The following DNMT1 variants were observed in gnomAD, a reference collection of about 807,000 sequenced individuals.
The protein encoded by DNMT1 is DNA (cytosine-5)-methyltransferase 1.
Under a neutral mutation model 205.3 loss-of-function variants are expected in DNMT1, and 24 were observed. That is an observed-to-expected ratio of 0.12 (90% CI 0.08 to 0.16). DNMT1 has a LOEUF of 0.16. Ranked by LOEUF, DNMT1 falls within the 10% of genes least tolerant of loss-of-function variation. The pLI, the probability that DNMT1 is intolerant of heterozygous loss-of-function variation, is 1.00. For missense variants in DNMT1, 1,293 were observed against 2,177.7 expected, an observed-to-expected ratio of 0.59 and a Z score of 8.09; for synonymous variants, 817 against 839.8, an observed-to-expected ratio of 0.97 and a Z score of 0.47.
rs2089416905 is a variant in DNMT1, at chr19:10,133,479, A to G, written c.*188T>C. On this transcript the variant is annotated 3_prime_UTR_variant, in exon 41 of 41. Transcript: ENST00000359526. This position sits in a 1 kb window ranked among gnomAD's most constrained non-coding sequence, Gnocchi z 4.1. ...AACTTTTAAAATCCAGAATGCACAA[A>G]GTACTGCACAATTTGATCACTAAAT... is the stretch of plus-strand genomic sequence containing the variant. 1 of 649,032 alleles carries G rather than the reference A, an allele frequency of 1.5e-6. No homozygotes were observed. Among genetic ancestry groups the G allele is most frequent in the African/African-American group, 1.8e-5 (1 of 54,776 alleles). The allele number at this position is 649,032 out of a possible 1,614,324, so 40.2% of individuals were successfully genotyped here.
rs764029022 is a variant in DNMT1, at chr19:10,137,928, T to G, written c.4197A>C (p.Ala1399=). The part of the protein sequence containing the change: ...DLPEVRNGAS[A]LEISYNGEPQ... ...GCTCCCCGTTGTAGGAGATCTCCAG[T>G]GCCGAGGCTCCATTCCGCACCTCCG... Residue 1399 remains alanine (A), a synonymous_variant, in exon 36 of 41, where the codon GCA becomes GCC. Coordinates refer to ENST00000359526, the MANE Select transcript of DNMT1 (RefSeq NM_001130823.3). The surrounding 1 kb of genome is among the most constrained non-coding windows in gnomAD (Gnocchi z 6.4). 7 of 1,612,644 alleles carry G rather than the reference T, an allele frequency of 4.3e-6. No individual in the cohort carries two copies. Among genetic ancestry groups the G allele is most frequent in the African/African-American group, 1.3e-5 (1 of 74,878 alleles).
At chr19:10,171,069 A>G (rs1459097184) in intron 9 of DNMT1, among the ~76,000 whole-genome samples, 1 of 152,086 alleles carries the variant, frequency 6.6e-6, no homozygotes, top group Non-Finnish European at 1.5e-5. Flanking sequence ...CGGCCTCCCA[A>G]AATGCTAGAA....
intron 1 of DNMT1, among the ~76,000 whole-genome samples, chr19:10,183,737 C>T (rs1216926515): frequency 1.3e-5 from 2 of 151,944 alleles, no homozygotes; most frequent in African/African-American, 4.8e-5. Flanking sequence ...ATTAGCCAGG[C>T]GTGGTGGTGG....
In DNMT1 at chr19:10,154,167, C is replaced by G. The variant is rs2038406363; in HGVS notation, c.2019+126G>C. The G allele has an allele frequency of 4.0e-6, 4 of 1,001,900 alleles. No individual in the cohort carries two copies. The South Asian group carries it at 5.2e-5, about 13-fold the overall frequency. 62.1% of individuals were successfully genotyped at this position (1,001,900 alleles called of 1,614,324 possible). On this transcript the variant is annotated intron_variant, in intron 22 of 40. Transcript: ENST00000359526. This position sits in a 1 kb window ranked among gnomAD's most constrained non-coding sequence, Gnocchi z 6.3. ...GTCCTCCCAGACCACTAACTAATTT[C>G]TGTCTCAGGGGTCACATTTGAGCAG...
chr19:10,135,787 G>T lies in DNMT1; in HGVS notation c.4722C>A (p.Gly1574=), dbSNP rs369472235. Residue 1574 remains glycine, a synonymous_variant, in exon 39 of 41, where the codon GGC becomes GGA. Coordinates refer to ENST00000359526, the MANE Select transcript of DNMT1 (RefSeq NM_001130823.3). ...VSVRECARSQ[G]FPDTYRLFGN... is the part of the protein sequence containing the mutation. The stretch of plus-strand genomic sequence containing the variant: ...CGAAGAGCCGGTAGGTGTCAGGGAA[G>T]CCCTGGGAGCGGGCACACTCCCGCA... The T allele has an allele frequency of 4.3e-5, 69 of 1,595,262 alleles. No individual in the cohort carries two copies. The highest frequency in any genetic ancestry group is 5.5e-5 in the Non-Finnish European group (64 of 1,172,436).
In DNMT1 at chr19:10,194,752, G is replaced by T. The variant is rs2039371926; in HGVS notation, c.80+68C>A. 28 of 1,519,756 alleles carry T rather than the reference G, an allele frequency of 1.8e-5. No homozygotes were observed. In the South Asian group the frequency reaches 3.2e-4, roughly 17 times the overall value. The allele number at this position is 1,519,756 out of a possible 1,614,324, so 94.1% of individuals were successfully genotyped here. A position where few individuals can be genotyped will look rare whatever the true frequency, so the allele number is the denominator to read the frequency against. ...AGCAGCGGCCACCGGCCACCCCGAG[G>T]GGAAGCGACCCCCCACCCAGCGCCC... On this transcript the variant is annotated intron_variant, in intron 1 of 40. Coordinates refer to ENST00000359526, the MANE Select transcript of DNMT1 (RefSeq NM_001130823.3).
chr19:10,189,206 G>A (rs191762486), intron 1 of DNMT1, among the ~76,000 whole-genome samples: 138 of 148,884 alleles, frequency 9.3e-4, no homozygotes, highest in South Asian at 1.7e-3. Context: ...TGCAACCTCC[G>A]CCTCCCAAGT....
chr19:10,159,592 C>T lies in DNMT1; in HGVS notation c.1280+66G>A, dbSNP rs117937545. On this transcript the variant is annotated intron_variant, in intron 17 of 40. Transcript: ENST00000359526. The surrounding 1 kb of genome is among the most constrained non-coding windows in gnomAD (Gnocchi z 5.0). ...TAAAAAACATCACCAGAATCGTGAG[C>T]CCGCAGGCACCTCTGGGGATGTGCC... 5.6e-4 allele frequency: 838 copies of T among 1,506,826 alleles called. 21 individuals carry two copies. The East Asian group carries it at 0.019, about 34-fold the overall frequency. 93.3% of individuals were successfully genotyped at this position (1,506,826 alleles called of 1,614,324 possible).
At position 10,154,316 on chromosome 19, in the gene DNMT1, G is replaced by A. The variant is rs761410935; in HGVS notation, c.1996C>T (p.Arg666Cys). The A allele has an allele frequency of 5.6e-6, 9 of 1,614,050 alleles. No individual in the cohort carries two copies. Among genetic ancestry groups the A allele is most frequent in the South Asian group, 1.1e-5 (1 of 91,086 alleles). Residue 666 changes from arginine to cysteine, a missense_variant, in exon 22 of 41, where the codon CGC (arginine) becomes TGC (cysteine). Coordinates refer to ENST00000359526, the MANE Select transcript of DNMT1 (RefSeq NM_001130823.3). The surrounding 1 kb of genome is among the most constrained non-coding windows in gnomAD (Gnocchi z 6.3). Reference protein sequence around the residue: ...DREDKENAFKRRRCGVCEVCQ... With the variant: ...DREDKENAFKCRRCGVCEVCQ... ...ACCTCACAGACGCCACATCGCCGGC[G>A]CTTAAAGGCGTTCTCCTTGTCTTCT...
chr19:10,133,498 A>G lies in DNMT1; in HGVS notation c.*169T>C. The G allele has an allele frequency of 1.4e-6, 1 of 725,306 alleles. No individual in the cohort carries two copies. Among genetic ancestry groups the G allele is most frequent in the South Asian group, 1.7e-5 (1 of 57,210 alleles). 44.9% of individuals were successfully genotyped at this position (725,306 alleles called of 1,614,324 possible). On this transcript the variant is annotated 3_prime_UTR_variant, in exon 41 of 41. Coordinates refer to ENST00000359526, the MANE Select transcript of DNMT1 (RefSeq NM_001130823.3). The surrounding 1 kb of genome is among the most constrained non-coding windows in gnomAD (Gnocchi z 4.1). ...GCACAAAGTACTGCACAATTTGATC[A>G]CTAAATCATTAGTTGATAAGCGAAC... is the stretch of plus-strand genomic sequence containing the variant.
intron 3 of DNMT1, 77 bp from the exon 4 acceptor site, chr19:10,180,646 T>A: frequency 3.4e-6 from 5 of 1,467,274 alleles, no homozygotes; most frequent in Non-Finnish European, 4.7e-6. Flanking sequence ...ATGTGTTTCC[T>A]TCATCATCAT....
rs779773075 is a variant in DNMT1 at position 10,154,594 on chromosome 19, C to T, written c.1824G>A (p.Leu608=). 1 of 1,614,018 alleles carries T rather than the reference C, an allele frequency of 6.2e-7. No individual in the cohort carries two copies. The highest frequency in any genetic ancestry group is 1.1e-5 in the South Asian group (1 of 91,072). ...CCCTGCCGCATCCTTACCTCTGTCC[C>T]AGCGTGACCCCAGCCAGCTTGATCA... ...RDLIKLAGVT[L]GQRRAQARRQ... Residue 608 remains leucine (L), a synonymous_variant, in exon 21 of 41, where the codon CTG becomes CTA. Transcript: ENST00000359526. The surrounding 1 kb of genome is among the most constrained non-coding windows in gnomAD (Gnocchi z 6.3).
chr19:10,141,421 T>G (rs545654476), intron 30 of DNMT1: 1 of 543,790 alleles, frequency 1.8e-6, no homozygotes, highest in South Asian at 2.0e-5. Context: ...TTACAAGCAC[T>G]TGAGAGTACC....
chr19:10,168,430 T>C, intron 9 of DNMT1, 66 bp from the exon 10 acceptor site: 3 of 1,548,052 alleles, frequency 1.9e-6, no homozygotes, highest in Non-Finnish European at 2.7e-6. Flanking sequence ...TATTAAAGTG[T>C]CCTATGGAAA....
At chr19:10,170,089 A>G (rs2038782419) in intron 9 of DNMT1, among the ~76,000 whole-genome samples, 2 of 152,046 alleles carry the variant, frequency 1.3e-5, no homozygotes, top group South Asian at 4.1e-4. Flanking sequence ...GTTCCAGACC[A>G]ACCTGGCCAA....
At position 10,180,827 on chromosome 19, in the gene DNMT1, T is replaced by C; in HGVS notation, c.176A>G (p.Asn59Ser). The change falls in exon 3 of 41, where the codon AAT (asparagine) becomes AGT (serine). Residue 59 changes from asparagine to serine, a missense_variant. Asn to Ser is a conservative substitution (Grantham distance 46). This residue lies in a region of DNMT1 where 394 missense variants were observed against 451.6 expected (regional missense o/e 0.87). Transcript: ENST00000359526. ...LHEFLQTEIK[N>S]QLCDLETKLR... ...TTTGGTTTCCAAGTCACATAACTGA[T>C]TCTTTATTTCTGTTTGCAGAAATTC... 1 of 1,614,210 alleles carries C rather than the reference T, an allele frequency of 6.2e-7. No individual in the cohort carries two copies. Among genetic ancestry groups the C allele is most frequent in the Non-Finnish European group, 8.5e-7 (1 of 1,180,040 alleles).
chr19:10,175,259 CAAAAT>C (rs1053032388), intron 7 of DNMT1, among the ~76,000 whole-genome samples: 1 of 151,792 alleles, frequency 6.6e-6, no homozygotes, highest in African/African-American at 2.4e-5. Context: ...GCCAATTTCT[CAAAAT>C]AAAGTCTCTC....
At position 10,138,301 on chromosome 19, in the gene DNMT1, ATGTGGCAGAGCACCG is replaced by A. The variant is rs1016656594; in HGVS notation, c.4115+123_4115+137del. 6.6e-6 allele frequency: 9 copies of A among 1,368,134 alleles called. No individual in the cohort carries two copies. The highest frequency in any genetic ancestry group is 3.8e-5 in the Admixed American group (2 of 52,840). The allele number at this position is 1,368,134 out of a possible 1,614,324, so 84.7% of individuals were successfully genotyped here. A position where few individuals can be genotyped will look rare whatever the true frequency, so the allele number is the denominator to read the frequency against. ...TGGAGACCACAGGTGGCAGAGTGCC[ATGTGGCAGAGCACCG>A]TGTGGCAGGGCAGATGCTGTACCAT... On this transcript the variant is annotated intron_variant, in intron 35 of 40. Coordinates refer to ENST00000359526, the MANE Select transcript of DNMT1 (RefSeq NM_001130823.3). This position sits in a 1 kb window ranked among gnomAD's most constrained non-coding sequence, Gnocchi z 4.1.
At chr19:10,183,995 A>G (rs1369639974) in intron 1 of DNMT1, among the ~76,000 whole-genome samples, 1 of 152,240 alleles carries the variant, frequency 6.6e-6, no homozygotes, top group East Asian at 1.9e-4. Context: ...TCGAGGCCAC[A>G]GTGAGCCGTG....
Sources: allele counts gnomAD v4.1 joint callset (sites outside exome capture counted in the v4.1 genomes callset), GRCh38; gene constraint gnomAD v4.1.1; regional missense constraint gnomAD v4.1.1; non-coding constraint Gnocchi (gnomAD v3.1); transcripts MANE v1.5; gene names NCBI Gene and HGNC (gene_info 2026-07-23, HGNC 2026-07-21).